Variants in TOX2 observed in about 807,000 individuals in gnomAD.
TOX2 encodes granulosa cell HMG box 1.
A neutral mutation model predicts 47.4 loss-of-function variants in TOX2; 15 were observed. That is an observed-to-expected ratio of 0.32 (90% confidence interval 0.21 to 0.49). TOX2 has a LOEUF of 0.49. TOX2 is among the 20% of genes least tolerant of loss of function. The pLI, the probability that TOX2 is intolerant of heterozygous loss-of-function variation, is 0.99. For missense variants in TOX2, 622 were observed against 673.1 expected, an observed-to-expected ratio of 0.92 and a Z score of 0.84; for synonymous variants, 290 against 296.6, an observed-to-expected ratio of 0.98 and a Z score of 0.23.
chr20:43,994,598 C>T (rs1227340163), intron 2 of TOX2, among the ~76,000 whole-genome samples: 1 of 152,130 alleles, frequency 6.6e-6, no homozygotes, highest in Non-Finnish European at 1.5e-5. Flanking sequence ...GCGACTTTTG[C>T]TACTTAAGTT....
chr20:44,031,615 C>T (rs563502310), intron 3 of TOX2, among the ~76,000 whole-genome samples: 3 of 152,050 alleles, frequency 2.0e-5, no homozygotes, highest in East Asian at 1.9e-4. Context: ...AAGAACCAAC[C>T]GAGAATACAC....
chr20:43,951,244 A>C (rs2069559973), intron 1 of TOX2, among the ~76,000 whole-genome samples: 1 of 152,156 alleles, frequency 6.6e-6, no homozygotes, highest in Non-Finnish European at 1.5e-5. Flanking sequence ...GATAGCCTTC[A>C]CGTCTACCTC....
At chr20:43,943,149 G>A (rs2069422600) in intron 1 of TOX2, among the ~76,000 whole-genome samples, 2 of 152,184 alleles carry the variant, frequency 1.3e-5, no homozygotes, top group Non-Finnish European at 2.9e-5. Context: ...CTGTGGAGCT[G>A]GTGCTCTCGG....
rs944660511 is a variant in TOX2 at position 43,927,634 on chromosome 20, T to C, written c.99+12644T>C. ...CTTCCTTCCTTCCTTCCTCCTTCCT[T>C]CCTTCCTCCCCTTCCCTTCCCTTCC... is the stretch of plus-strand genomic sequence containing the variant. On this transcript the variant is annotated intron_variant, in intron 1 of 8. Transcript: ENST00000341197. Among the ~76,000 whole-genome samples the C allele has an allele frequency of 6.2e-5, 8 of 129,980 alleles. 1 individual carries two copies. In the South Asian group the frequency reaches 1.9e-3, roughly 31 times the overall value. 85.3% of individuals were successfully genotyped at this position (129,980 alleles called of 152,430 possible).
At chr20:44,066,996 G>A (rs1486146409) in intron 8 of TOX2, 139 bp downstream of exon 8, 28 of 1,262,766 alleles carry the variant, frequency 2.2e-5, no homozygotes, top group Middle Eastern at 2.7e-4. Flanking sequence ...TGAGGGGATC[G>A]ATATCTCAGA....
At position 43,940,877 on chromosome 20, in the gene TOX2, G is replaced by A. The variant is rs542330571; in HGVS notation, c.99+25887G>A. Among the ~76,000 whole-genome samples the A allele has an allele frequency of 2.7e-4, 41 of 152,304 alleles. 1 individual carries two copies. The South Asian group carries it at 7.7e-3, about 28-fold the overall frequency. ...TTGTTTAATAGAAGCTTGCAGCTTCGCAGCACTTAACAGGTGCTGACGGGG... is the reference window on the plus strand; with the variant it reads ...TTGTTTAATAGAAGCTTGCAGCTTCACAGCACTTAACAGGTGCTGACGGGG... On this transcript the variant is annotated intron_variant, in intron 1 of 8. Transcript: ENST00000341197.
chr20:43,930,915 T>G (rs2145317982), intron 1 of TOX2, among the ~76,000 whole-genome samples: 1 of 152,314 alleles, frequency 6.6e-6, no homozygotes, highest in South Asian at 2.1e-4. Flanking sequence ...CATGGTTTTC[T>G]GGAAGCCCCT....
intron 1 of TOX2, among the ~76,000 whole-genome samples, chr20:43,969,194 T>C (rs1042740674): frequency 1.4e-4 from 21 of 152,224 alleles, no homozygotes; most frequent in African/African-American, 5.1e-4. Context: ...GTGTTACCCA[T>C]GGACATGATA....
At chr20:43,983,959 A>G (rs1237291922) in intron 2 of TOX2, among the ~76,000 whole-genome samples, 1 of 152,134 alleles carries the variant, frequency 6.6e-6, no homozygotes, top group East Asian at 1.9e-4. Context: ...GAAATCTAAG[A>G]TTTCTGTCTT....
At chr20:43,945,683 G>A (rs2069457069) in intron 1 of TOX2, 9 of 511,586 alleles carry the variant, frequency 1.8e-5, no homozygotes, top group East Asian at 4.1e-5. Context: ...TCTGCTCCCC[G>A]AGACCTGGCG....
At chr20:43,941,614 C>T (rs993410154) in intron 1 of TOX2, among the ~76,000 whole-genome samples, 4 of 151,980 alleles carry the variant, frequency 2.6e-5, no homozygotes, top group African/African-American at 4.8e-5. Flanking sequence ...ATTACAGGCG[C>T]GAGCCACTGT....
chr20:43,993,811 C>T (rs1473730198), intron 2 of TOX2, among the ~76,000 whole-genome samples: 2 of 152,068 alleles, frequency 1.3e-5, no homozygotes, highest in Non-Finnish European at 2.9e-5. Context: ...TGTAGGACAT[C>T]CAAGGGAAGT....
chr20:44,053,439 TACACACACACACACACAC>T (rs111951284), intron 4 of TOX2, among the ~76,000 whole-genome samples: 1,671 of 143,130 alleles, frequency 0.012, 33 homozygotes, highest in African/African-American at 0.039. Flanking sequence ...GGCAGATATA[TACACACACACACACACAC>T]ACACACACAC....
chr20:43,971,725 A>G (rs1406933477), intron 1 of TOX2, among the ~76,000 whole-genome samples: 2 of 152,236 alleles, frequency 1.3e-5, no homozygotes, highest in Non-Finnish European at 2.9e-5. Flanking sequence ...AGTTGAATAT[A>G]TGTGTTATAT....
At chr20:43,971,063 C>T (rs2069956944) in intron 1 of TOX2, among the ~76,000 whole-genome samples, 1 of 152,216 alleles carries the variant, frequency 6.6e-6, no homozygotes, top group Admixed American at 6.5e-5. Context: ...TGGGGAGGCT[C>T]TTTGGTGTAA....
intron 1 of TOX2, among the ~76,000 whole-genome samples, chr20:43,959,819 A>C (rs1203702581): frequency 6.6e-6 from 1 of 152,232 alleles, no homozygotes; most frequent in East Asian, 1.9e-4. Context: ...AAATATTGGC[A>C]GCGCAGGGCA....
Position 44,069,420 on chromosome 20 carries a change from C to T in TOX2, c.*734C>T, listed in dbSNP as rs373384881. 21 of 154,384 alleles carry T rather than the reference C, an allele frequency of 1.4e-4. No individual in the cohort carries two copies. The South Asian group carries it at 2.3e-3, about 17-fold the overall frequency. The allele number at this position is 154,384 out of a possible 1,614,324, so 9.6% of individuals were successfully genotyped here. A position where few individuals can be genotyped will look rare whatever the true frequency, so the allele number is the denominator to read the frequency against. On this transcript the variant is annotated 3_prime_UTR_variant, in exon 9 of 9. Coordinates refer to ENST00000341197, the MANE Select transcript of TOX2 (RefSeq NM_001098797.2). ...TTCATCTATTTTAAATTGCCGGCGA[C>T]GACTTTTGTCTATTTATGAAGAAAC...
intron 2 of TOX2, among the ~76,000 whole-genome samples, chr20:43,987,894 T>C (rs2070295883): frequency 6.6e-6 from 1 of 151,076 alleles, no homozygotes; most frequent in Admixed American, 6.6e-5. Flanking sequence ...TTTTAGGAAA[T>C]GTTTGAAATA....
chr20:43,946,013 G>A lies in TOX2; in HGVS notation c.100-27354G>A, dbSNP rs535760975. 5.0e-6 allele frequency: 8 copies of A among 1,614,134 alleles called. No homozygotes were observed. The South Asian group carries it at 8.8e-5, about 18-fold the overall frequency. The stretch of plus-strand genomic sequence containing the variant: ...CTCCTTCTACTTGCAAGACACTGGT[G>A]CATTGCAGGTGTGTTTCCGCAGAAG... On this transcript the variant is annotated intron_variant, in intron 1 of 8. Transcript: ENST00000341197.
Sources: gnomAD v4.1 joint callset for allele counts (sites outside exome capture counted in the v4.1 genomes callset) on GRCh38, gnomAD v4.1.1 for gene constraint, MANE v1.5 for transcripts, NCBI Gene and HGNC (gene_info 2026-07-23, HGNC 2026-07-21) for gene names.